The following UBXN2A variants were observed in gnomAD, a reference collection of about 807,000 sequenced individuals.
The protein encoded by UBXN2A is UBX domain protein 2A, also known as UBX domain-containing protein 2A.
UBXN2A carries 28 observed loss-of-function variants against 28.4 expected under a neutral mutation model. The ratio of observed to expected loss-of-function variants is 0.99; its 90% CI spans 0.73 to 1.35. The LOEUF is 1.35. Ranked by LOEUF, UBXN2A falls within the 40% of genes most tolerant of loss-of-function variation. The pLI is 0.00. For missense variants in UBXN2A, 253 were observed against 297.9 expected (o/e 0.85, Z 1.11); for synonymous variants, 97 against 103.6 (o/e 0.94, Z 0.39).
chr2:23,974,338 T>C (rs1478870865), intron 3 of UBXN2A, among the ~76,000 whole-genome samples: 1 of 135,022 alleles, frequency 7.4e-6, no homozygotes, highest in African/African-American at 2.8e-5. Context: ...AATTTTTATT[T>C]AACCAACTTT....
chr2:23,929,119 C>T (rs1469567450), intron 1 of UBXN2A, among the ~76,000 whole-genome samples: 1 of 152,042 alleles, frequency 6.6e-6, no homozygotes, highest in African/African-American at 2.4e-5. Flanking sequence ...GAGATCCTCT[C>T]CCTGCCAAAA....
Position 24,002,651 on chromosome 2 carries a change from C to T in UBXN2A, c.*2784C>T, listed in dbSNP as rs888487170. ...CCTCTAACTCGTAACCTCAGGTGAT[C>T]CGCCCGCCTTGGCCTCCCAAAGTGC... On this transcript the variant is annotated 3_prime_UTR_variant, in exon 7 of 7. Transcript: ENST00000309033. 2.6e-5 allele frequency: 4 copies of T among 152,168 alleles called. No individual in the cohort carries two copies. Among genetic ancestry groups the T allele is most frequent in the Admixed American group, 2.0e-4 (3 of 15,274 alleles). 9.4% of individuals were successfully genotyped at this position (152,168 alleles called of 1,614,324 possible).
intron 1 of UBXN2A, among the ~76,000 whole-genome samples, chr2:23,942,419 C>CTTT (rs759241567): frequency 0.057 from 5,597 of 98,096 alleles, 371 homozygotes; most frequent in Non-Finnish European, 0.076. Flanking sequence ...TGATGCAGGG[C>CTTT]TTTTTTTTTT....
At chr2:23,956,894 G>A (rs1706655051) in intron 1 of UBXN2A, among the ~76,000 whole-genome samples, 1 of 152,064 alleles carries the variant, frequency 6.6e-6, no homozygotes, top group East Asian at 1.9e-4. Context: ...GTCACTTGGT[G>A]TCCCTGGAAG....
intron 1 of UBXN2A, among the ~76,000 whole-genome samples, chr2:23,928,329 A>G (rs1267593104): frequency 7.9e-5 from 12 of 152,232 alleles, no homozygotes; most frequent in Admixed American, 7.9e-4. Context: ...TAATCCCAGC[A>G]CTTTGGGAGG....
rs1708723532 is a variant in UBXN2A at position 24,001,486 on chromosome 2, C to T, written c.*1619C>T. 6.6e-6 allele frequency: 1 copy of T among 151,908 alleles called. No individual in the cohort carries two copies. The highest frequency in any genetic ancestry group is 1.5e-5 in the Non-Finnish European group (1 of 67,994). The allele number at this position is 151,908 out of a possible 1,614,324, so 9.4% of individuals were successfully genotyped here. A position where few individuals can be genotyped will look rare whatever the true frequency, so the allele number is the denominator to read the frequency against. ...TTTTTTTGCAAATGATCTATTGAAT[C>T]AGATTTAAAATGAAGCATGCATTGA... On this transcript the variant is annotated 3_prime_UTR_variant, in exon 7 of 7. Coordinates refer to ENST00000309033, the MANE Select transcript of UBXN2A (RefSeq NM_181713.4).
In UBXN2A at chr2:23,992,011, C is replaced by T. The variant is rs1708373266; in HGVS notation, c.584+7180C>T. Among the ~76,000 whole-genome samples the T allele has an allele frequency of 2.6e-5, 4 of 152,016 alleles. No individual in the cohort carries two copies. The South Asian group carries it at 8.3e-4, about 32-fold the overall frequency. Reference sequence around the variant, plus strand: ...TTTTTGAGATGGAGTCTTGCTCTGTCGCCAGGCTGGAATGCAGTGGCGCAA... The same window carrying T: ...TTTTTGAGATGGAGTCTTGCTCTGTTGCCAGGCTGGAATGCAGTGGCGCAA... On this transcript the variant is annotated intron_variant, in intron 6 of 6. Coordinates refer to ENST00000309033, the MANE Select transcript of UBXN2A (RefSeq NM_181713.4).
chr2:23,933,442 G>T (rs181479181), intron 1 of UBXN2A, among the ~76,000 whole-genome samples: 2 of 152,188 alleles, frequency 1.3e-5, no homozygotes, highest in Non-Finnish European at 1.5e-5. Context: ...GGAGGCAGAG[G>T]TTGCAGTGAG....
chr2:23,933,478 C>T (rs1705437349), intron 1 of UBXN2A, among the ~76,000 whole-genome samples: 7 of 152,158 alleles, frequency 4.6e-5, no homozygotes, highest in Admixed American at 4.6e-4. Flanking sequence ...TGCATTCCAG[C>T]CTGGGCAACA....
At chr2:23,983,063 A>G (rs376613834) in intron 5 of UBXN2A, 30 bp downstream of exon 5, 13 of 1,537,832 alleles carry the variant, frequency 8.5e-6, no homozygotes, top group African/African-American at 1.4e-5. Flanking sequence ...TGTTTTGCAT[A>G]GATCAAGGCT....
chr2:23,960,213 G>A (rs1393043630), intron 2 of UBXN2A, among the ~76,000 whole-genome samples: 1 of 151,756 alleles, frequency 6.6e-6, no homozygotes, highest in Non-Finnish European at 1.5e-5. Flanking sequence ...TCGAGATCGC[G>A]CCACTGCACT....
At chr2:23,945,616 C>G (rs1361819316) in intron 1 of UBXN2A, among the ~76,000 whole-genome samples, 1 of 152,018 alleles carries the variant, frequency 6.6e-6, no homozygotes, top group East Asian at 1.9e-4. Flanking sequence ...TAAAAAGAAA[C>G]GTAAGCTTCT....
Position 23,978,448 on chromosome 2 carries a change from C to G in UBXN2A, c.287+1373C>G, listed in dbSNP as rs1013907429. Reference sequence around the variant, plus strand: ...CACGAGGTCAGGAGATCGAGACCATCCTGGCTAACACGGTGAAACTCTGTC... The same window carrying G: ...CACGAGGTCAGGAGATCGAGACCATGCTGGCTAACACGGTGAAACTCTGTC... On this transcript the variant is annotated intron_variant, in intron 4 of 6. Coordinates refer to ENST00000309033, the MANE Select transcript of UBXN2A (RefSeq NM_181713.4). Among the ~76,000 whole-genome samples, 4 of 151,674 alleles carry G rather than the reference C, an allele frequency of 2.6e-5. No individual in the cohort carries two copies. In the East Asian group the frequency reaches 5.8e-4, roughly 22 times the overall value.
chr2:23,968,846 T>G (rs1223234725), intron 2 of UBXN2A: 1 of 152,310 alleles, frequency 6.6e-6, no homozygotes, highest in Non-Finnish European at 1.5e-5. Context: ...CCAGAAACCA[T>G]CTTTTCCTGG....
At chr2:23,964,055 C>G (rs1707053643) in intron 2 of UBXN2A, among the ~76,000 whole-genome samples, 1 of 151,514 alleles carries the variant, frequency 6.6e-6, no homozygotes, top group African/African-American at 2.4e-5. Flanking sequence ...TCGTTTGAGC[C>G]TAGGAGTTCT....
At chr2:23,930,895 A>C (rs1488202941) in intron 1 of UBXN2A, among the ~76,000 whole-genome samples, 3 of 151,864 alleles carry the variant, frequency 2.0e-5, no homozygotes, top group African/African-American at 7.3e-5. Context: ...GGCCAGGCAC[A>C]GTGGCTCACG....
intron 4 of UBXN2A, 37 bp downstream of exon 4, chr2:23,977,112 C>G (rs756340125): frequency 1.3e-6 from 2 of 1,550,576 alleles, no homozygotes; most frequent in South Asian, 1.1e-5. Flanking sequence ...GCCTGTAAAC[C>G]CAAAACTTTG....
intron 2 of UBXN2A, among the ~76,000 whole-genome samples, chr2:23,970,747 T>C (rs533786389): frequency 2.0e-5 from 3 of 151,590 alleles, no homozygotes; most frequent in Admixed American, 6.6e-5. Context: ...ATGGTCCCAT[T>C]TGGGGGCAAT....
At chr2:23,948,044 A>G (rs551003131) in intron 1 of UBXN2A, among the ~76,000 whole-genome samples, 27 of 151,750 alleles carry the variant, frequency 1.8e-4, no homozygotes, top group African/African-American at 6.3e-4. Context: ...TAATAGAGAC[A>G]GGGTTTCATC....
Sources: allele counts gnomAD v4.1 joint callset (sites outside exome capture counted in the v4.1 genomes callset), GRCh38; gene constraint gnomAD v4.1.1; transcripts MANE v1.5; gene names NCBI Gene and HGNC (gene_info 2026-07-23, HGNC 2026-07-21).